Variants in PLCB1 observed in about 807,000 individuals in gnomAD.
The protein encoded by PLCB1 is phospholipase C beta 1, also known as 1-phosphatidylinositol 4,5-bisphosphate phosphodiesterase beta-1.
PLCB1 carries 46 observed loss-of-function variants against 161.8 expected under a neutral mutation model. The ratio of observed to expected loss-of-function variants is 0.28; its 90% CI spans 0.22 to 0.36. The LOEUF is 0.36. Ranked by LOEUF, PLCB1 falls within the 10% of genes least tolerant of loss-of-function variation. PLCB1 has a pLI of 1.00. For missense variants in PLCB1, 1,016 were observed against 1,472.5 expected (o/e 0.69, Z 5.07); for synonymous variants, 517 against 503.7 (o/e 1.03, Z -0.35).
intron 16 of PLCB1, among the ~76,000 whole-genome samples, chr20:8,725,441 A>G (rs1979883844): frequency 6.6e-6 from 1 of 152,144 alleles, no homozygotes; most frequent in Non-Finnish European, 1.5e-5. Flanking sequence ...TGTACCCTTA[A>G]AAACAGAAAT....
intron 2 of PLCB1, among the ~76,000 whole-genome samples, chr20:8,359,108 T>A (rs939615947): frequency 6.6e-6 from 1 of 152,124 alleles, no homozygotes; most frequent in East Asian, 1.9e-4. Flanking sequence ...ATTTTTTTTT[T>A]AAATCTGTCC....
intron 2 of PLCB1, chr20:8,371,165 T>C: frequency 2.0e-6 from 1 of 508,526 alleles, no homozygotes. Flanking sequence ...CACACACTTT[T>C]TGCTTTCAAA....
At chr20:8,353,261 G>A (rs184697764) in intron 2 of PLCB1, among the ~76,000 whole-genome samples, 10 of 152,218 alleles carry the variant, frequency 6.6e-5, no homozygotes, top group East Asian at 1.9e-4. Context: ...AAATAAAGAT[G>A]TGATATTAGA....
chr20:8,762,307 A>T (rs1039794758), intron 25 of PLCB1, among the ~76,000 whole-genome samples: 2 of 152,186 alleles, frequency 1.3e-5, no homozygotes, highest in African/African-American at 4.8e-5. Context: ...AAATAACGTA[A>T]ATGAATGGAC....
At chr20:8,537,429 G>A (rs1482678219) in intron 3 of PLCB1, among the ~76,000 whole-genome samples, 1 of 152,132 alleles carries the variant, frequency 6.6e-6, no homozygotes, top group Non-Finnish European at 1.5e-5. Context: ...TGAGGAAGCT[G>A]CGCATCACCA....
In PLCB1 at chr20:8,413,294, A is replaced by T. The variant is rs529295172; in HGVS notation, c.246+41844A>T. On this transcript the variant is annotated intron_variant, in intron 3 of 31. Coordinates refer to ENST00000338037, the MANE Select transcript of PLCB1 (RefSeq NM_015192.4). ...TGTTATTTAGAATTGTCAAGTATTAATGTTTCCCTTTCGTTGACAAAGATG... is the reference window on the plus strand; with the variant it reads ...TGTTATTTAGAATTGTCAAGTATTATTGTTTCCCTTTCGTTGACAAAGATG... Among the ~76,000 whole-genome samples the T allele has an allele frequency of 1.1e-3, 172 of 152,314 alleles. 1 individual carries two copies. The highest frequency in any genetic ancestry group is 3.7e-3 in the African/African-American group (153 of 41,568).
intron 2 of PLCB1, among the ~76,000 whole-genome samples, chr20:8,286,874 A>G (rs1288557940): frequency 6.6e-6 from 1 of 152,090 alleles, no homozygotes; most frequent in African/African-American, 2.4e-5. Flanking sequence ...AGTAAGTATC[A>G]TGGTTTTGGC....
At chr20:8,847,880 A>G (rs1435522737) in intron 31 of PLCB1, among the ~76,000 whole-genome samples, 2 of 152,200 alleles carry the variant, frequency 1.3e-5, no homozygotes, top group Non-Finnish European at 2.9e-5. Flanking sequence ...AAAATGCCTG[A>G]GACTGGCAAT....
chr20:8,878,572 C>G (rs1258866714), intron 31 of PLCB1, among the ~76,000 whole-genome samples: 1 of 152,164 alleles, frequency 6.6e-6, no homozygotes, highest in Non-Finnish European at 1.5e-5. Context: ...CGCCCCCTCA[C>G]AGCATGTTTC....
At chr20:8,177,574 C>T (rs1301404224) in intron 2 of PLCB1, among the ~76,000 whole-genome samples, 1 of 152,106 alleles carries the variant, frequency 6.6e-6, no homozygotes, top group Non-Finnish European at 1.5e-5. Flanking sequence ...AAATCAGCAA[C>T]TTCACCCTCT....
chr20:8,640,492 C>T (rs1402805226), intron 4 of PLCB1, among the ~76,000 whole-genome samples: 1 of 152,144 alleles, frequency 6.6e-6, no homozygotes, highest in Non-Finnish European at 1.5e-5. Flanking sequence ...GAGGCAGATA[C>T]AACCAAAGTA....
intron 2 of PLCB1, among the ~76,000 whole-genome samples, chr20:8,175,428 G>A (rs1221556947): frequency 6.6e-6 from 1 of 150,518 alleles, no homozygotes; most frequent in Non-Finnish European, 1.5e-5. Context: ...TGATGATGGA[G>A]ACATTGGATA....
chr20:8,785,792 G>A (rs1049940285), intron 27 of PLCB1, among the ~76,000 whole-genome samples: 5 of 152,112 alleles, frequency 3.3e-5, no homozygotes, highest in Admixed American at 2.0e-4. Flanking sequence ...GGCAGTAGGC[G>A]GAAGGGAAAC....
intron 1 of PLCB1, among the ~76,000 whole-genome samples, chr20:8,147,773 G>C (rs1433836898): frequency 6.6e-6 from 1 of 152,042 alleles, no homozygotes; most frequent in Non-Finnish European, 1.5e-5. Context: ...AACAAAGAAG[G>C]GTTAATTTTG....
intron 2 of PLCB1, among the ~76,000 whole-genome samples, chr20:8,207,702 T>A (rs6133554): frequency 6.6e-6 from 1 of 152,102 alleles, no homozygotes; most frequent in Admixed American, 6.6e-5. Flanking sequence ...CACCTCAGAC[T>A]CCTGAGTAGC....
At chr20:8,250,715 T>C (rs779319433) in intron 2 of PLCB1, among the ~76,000 whole-genome samples, 1 of 151,944 alleles carries the variant, frequency 6.6e-6, no homozygotes, top group South Asian at 2.1e-4. Flanking sequence ...CCCAACAATA[T>C]AACAGAGACA....
intron 1 of PLCB1, among the ~76,000 whole-genome samples, chr20:8,146,725 C>T (rs889606977): frequency 6.6e-6 from 1 of 151,824 alleles, no homozygotes; most frequent in Non-Finnish European, 1.5e-5. Flanking sequence ...TTGCTTTGCC[C>T]CTTGATTGTT....
intron 3 of PLCB1, among the ~76,000 whole-genome samples, chr20:8,581,388 G>T (rs749469507): frequency 6.6e-6 from 1 of 152,140 alleles, no homozygotes; most frequent in Non-Finnish European, 1.5e-5. Context: ...GATATAGGAG[G>T]TGAAGGTGAA....
intron 2 of PLCB1, among the ~76,000 whole-genome samples, chr20:8,309,026 A>T (rs1984267442): frequency 1.3e-5 from 2 of 151,984 alleles, no homozygotes; most frequent in South Asian, 4.1e-4. Context: ...GAAAAAAAAC[A>T]TTGTAAATTA....
Sources: gnomAD v4.1 joint callset for allele counts (sites outside exome capture counted in the v4.1 genomes callset) on GRCh38, gnomAD v4.1.1 for gene constraint, MANE v1.5 for transcripts, NCBI Gene and HGNC (gene_info 2026-07-23, HGNC 2026-07-21) for gene names.